The following LOC128462377 variants were observed in gnomAD, a reference collection of about 807,000 sequenced individuals.
the LOC128462377 span, among the ~76,000 whole-genome samples, chr16:89,339,488 G>A: frequency 6.6e-6 from 1 of 152,242 alleles, no homozygotes; most frequent in Non-Finnish European, 1.5e-5. Flanking sequence ...CGCAGCGCAT[G>A]TGAAGAGTCA....
At chr16:89,404,328 T>G in the LOC128462377 span, among the ~76,000 whole-genome samples, 26 of 152,042 alleles carry the variant, frequency 1.7e-4, no homozygotes, top group African/African-American at 5.6e-4. Context: ...CTAAGGAAAA[T>G]GGAAGTGCAG....
chr16:89,388,293 A>ATTTTTTTTTTTTTT, the LOC128462377 span, among the ~76,000 whole-genome samples: 119 of 85,288 alleles, frequency 1.4e-3, 17 homozygotes, highest in African/African-American at 3.3e-3. Flanking sequence ...CATGAGGCTG[A>ATTTTTTTTTTTTTT]TTTTTTTTTT....
At chr16:89,320,276 C>T in the LOC128462377 span, 5 of 152,244 alleles carry the variant, frequency 3.3e-5, no homozygotes, top group African/African-American at 7.2e-5. Flanking sequence ...GTCTCACTCC[C>T]GGGGGAGACT....
At chr16:89,357,716 C>A in the LOC128462377 span, among the ~76,000 whole-genome samples, 1 of 152,276 alleles carries the variant, frequency 6.6e-6, no homozygotes, top group African/African-American at 2.4e-5. Context: ...GCTGCGGACT[C>A]CACTCACAGG....
chr16:89,353,343 A>G, the LOC128462377 span, among the ~76,000 whole-genome samples: 1 of 150,240 alleles, frequency 6.7e-6, no homozygotes, highest in Admixed American at 6.6e-5. Context: ...CTCCAACTCC[A>G]AAAAAAAAGA....
chr16:89,352,397 A>C, the LOC128462377 span, among the ~76,000 whole-genome samples: 2 of 151,054 alleles, frequency 1.3e-5, no homozygotes, highest in Admixed American at 1.3e-4. Flanking sequence ...ACCAAGCAGA[A>C]GGCCACAGTG....
the LOC128462377 span, among the ~76,000 whole-genome samples, chr16:89,349,911 C>T: frequency 1.2e-5 from 1 of 85,952 alleles, no homozygotes; most frequent in Admixed American, 1.0e-4. Context: ...CACACACACA[C>T]ATATTCAAAC....
the LOC128462377 span, among the ~76,000 whole-genome samples, chr16:89,375,334 G>A: frequency 3.9e-3 from 587 of 152,330 alleles, 2 homozygotes; most frequent in African/African-American, 0.014. Context: ...TGGGCCTGGA[G>A]TCCCAGCTAC....
the LOC128462377 span, among the ~76,000 whole-genome samples, chr16:89,341,996 G>GCTT: frequency 1.6e-4 from 7 of 43,354 alleles, no homozygotes; most frequent in Admixed American, 5.8e-4. Context: ...CACCCACAGC[G>GCTT]GCCACAGCCC....
the LOC128462377 span, among the ~76,000 whole-genome samples, chr16:89,367,811 G>A: frequency 6.6e-6 from 1 of 152,086 alleles, no homozygotes; most frequent in Non-Finnish European, 1.5e-5. Flanking sequence ...AGCAGGTGGG[G>A]AGCCTGGGCA....
the LOC128462377 span, among the ~76,000 whole-genome samples, chr16:89,358,506 C>T: frequency 1.3e-5 from 2 of 152,224 alleles, no homozygotes; most frequent in African/African-American, 4.8e-5. Flanking sequence ...GATGGATACC[C>T]CGTTTTCCAT....
chr16:89,330,270 A>C, the LOC128462377 span, among the ~76,000 whole-genome samples: 1 of 152,030 alleles, frequency 6.6e-6, no homozygotes, highest in African/African-American at 2.4e-5. Context: ...TGCAGCCACC[A>C]CCACACCAGG....
the LOC128462377 span, among the ~76,000 whole-genome samples, chr16:89,364,571 C>A: frequency 2.6e-5 from 4 of 152,184 alleles, no homozygotes; most frequent in African/African-American, 9.7e-5. Context: ...CAGAGGTGTC[C>A]AATCTTTTGA....
At chr16:89,330,906 A>G in the LOC128462377 span, among the ~76,000 whole-genome samples, 1 of 152,198 alleles carries the variant, frequency 6.6e-6, no homozygotes, top group Non-Finnish European at 1.5e-5. Flanking sequence ...AGTTAGTGCC[A>G]TATGCCCTGA....
chr16:89,387,692 G>GAAAAAAAAAAAAAAA, the LOC128462377 span, among the ~76,000 whole-genome samples: 3 of 67,490 alleles, frequency 4.4e-5, no homozygotes, highest in Non-Finnish European at 6.1e-5. Context: ...AAAAGAAAAA[G>GAAAAAAAAAAAAAAA]AAAAAAAAAA....
the LOC128462377 span, among the ~76,000 whole-genome samples, chr16:89,336,253 G>T: frequency 6.6e-6 from 1 of 152,196 alleles, no homozygotes; most frequent in Non-Finnish European, 1.5e-5. Flanking sequence ...AACAGAGCTG[G>T]ACCTGGTGCC....
chr16:89,418,276 G>A, the LOC128462377 span: 1 of 454,048 alleles, frequency 2.2e-6, no homozygotes, highest in South Asian at 1.6e-5. Context: ...AATGCAGTGA[G>A]TATTTACCGA....
the LOC128462377 span, among the ~76,000 whole-genome samples, chr16:89,347,426 G>C: frequency 6.6e-6 from 1 of 152,050 alleles, no homozygotes; most frequent in Non-Finnish European, 1.5e-5. Context: ...TGGCTAGCAC[G>C]GTGAAACCCC....
At chr16:89,375,481 T>TG in the LOC128462377 span, among the ~76,000 whole-genome samples, 14 of 151,076 alleles carry the variant, frequency 9.3e-5, no homozygotes, top group African/African-American at 3.4e-4. Context: ...TTTTTGGAGA[T>TG]GGAGTTTCAC....
Sources: gnomAD v4.1 joint callset for allele counts (sites outside exome capture counted in the v4.1 genomes callset) on GRCh38, gnomAD v4.1.1 for gene constraint, MANE v1.5 for transcripts.